SLC24A4: variants seen among roughly 807,000 people sequenced by gnomAD.
The protein encoded by SLC24A4 is solute carrier family 24 member 4.
In SLC24A4, 53 loss-of-function variants were observed where a neutral mutation model predicts 79.0. The observed-to-expected ratio is 0.67, with a 90% confidence interval of 0.54 to 0.84. SLC24A4 has a LOEUF of 0.84. SLC24A4 is among the 40% of genes least tolerant of loss of function. The pLI is 0.00. For missense variants in SLC24A4, 731 were observed against 822.0 expected (o/e 0.89, Z 1.35); for synonymous variants, 323 against 323.8 (o/e 1.00, Z 0.03).
intron 2 of SLC24A4, among the ~76,000 whole-genome samples, chr14:92,411,729 A>G (rs566447627): frequency 1.4e-4 from 21 of 152,134 alleles, no homozygotes; most frequent in Non-Finnish European, 2.5e-4. Context: ...CTTCCTTCCC[A>G]CACCAGCAAT....
At chr14:92,470,643 G>A (rs1017215197) in intron 12 of SLC24A4, among the ~76,000 whole-genome samples, 5 of 152,090 alleles carry the variant, frequency 3.3e-5, no homozygotes, top group African/African-American at 1.2e-4. Flanking sequence ...CGTGTCAATC[G>A]GAGTCCGTGA....
intron 8 of SLC24A4, 96 bp downstream of exon 8, chr14:92,445,438 T>C: frequency 7.6e-7 from 1 of 1,308,804 alleles, no homozygotes; most frequent in South Asian, 1.3e-5. Context: ...AAAATTATTT[T>C]TATAAACTTA....
intron 11 of SLC24A4, 66 bp from the exon 12 acceptor site, chr14:92,456,338 G>A (rs1478633097): frequency 2.6e-6 from 4 of 1,557,338 alleles, no homozygotes; most frequent in Non-Finnish European, 3.5e-6. Flanking sequence ...GAGGGACCCA[G>A]CGTATAGCAA....
Position 92,340,283 on chromosome 14 carries a change from G to A in SLC24A4, c.241+14305G>A, listed in dbSNP as rs145773577. On this transcript the variant is annotated intron_variant, in intron 2 of 16. Transcript: ENST00000532405. ...ATCCCAGTCCTCAGTGAGCCCACAG[G>A]TTAGAGAATGAGGTAAACTCGTAAT... is the stretch of plus-strand genomic sequence containing the variant. 3.0e-4 allele frequency among the ~76,000 whole-genome samples: 45 copies of A among 152,364 alleles called. No individual in the cohort carries two copies. In the East Asian group the frequency reaches 6.7e-3, roughly 23 times the overall value.
chr14:92,380,196 C>T (rs1019970010), intron 2 of SLC24A4, among the ~76,000 whole-genome samples: 5 of 152,192 alleles, frequency 3.3e-5, no homozygotes, highest in Non-Finnish European at 7.3e-5. Context: ...GAGAGCAGAT[C>T]CAAGGGCCAG....
In SLC24A4 at chr14:92,443,453, C is replaced by T. The variant is rs765944162; in HGVS notation, c.636C>T (p.Ile212=). 2 of 1,614,088 alleles carry T rather than the reference C, an allele frequency of 1.2e-6. No individual in the cohort carries two copies. The highest frequency in any genetic ancestry group is 1.7e-6 in the Non-Finnish European group (2 of 1,180,044). ...GCCGAGACTCCGTGTACTACACCAT[C>T]TCTGTCATCGTGCTCATCGTGGTGA... ...AVCRDSVYYT[I]SVIVLIVFIY... The change falls in exon 7 of 17, where the codon ATC becomes ATT. Residue 212 remains isoleucine, a synonymous_variant. Transcript: ENST00000532405.
chr14:92,446,906 G>A (rs767447962), intron 8 of SLC24A4, among the ~76,000 whole-genome samples: 11 of 152,146 alleles, frequency 7.2e-5, no homozygotes, highest in East Asian at 1.9e-4. Context: ...GCCACCTGCC[G>A]CATATTCAGT....
intron 2 of SLC24A4, among the ~76,000 whole-genome samples, chr14:92,428,703 A>G (rs1451631004): frequency 1.3e-5 from 2 of 152,228 alleles, no homozygotes; most frequent in Admixed American, 1.3e-4. Context: ...AGTCAAAGCC[A>G]GGGAATGGTC....
At position 92,341,244 on chromosome 14, in the gene SLC24A4, G is replaced by A. The variant is rs1408480153; in HGVS notation, c.241+15266G>A. On this transcript the variant is annotated intron_variant, in intron 2 of 16. Transcript: ENST00000532405. ...GAAATGCCCTCTGGTTGCTGAATAA[G>A]CTGTCCTCATGAAGGTTGCTGACCT... Among the ~76,000 whole-genome samples the A allele has an allele frequency of 3.9e-5, 6 of 152,196 alleles. No individual in the cohort carries two copies. In the East Asian group the frequency reaches 1.2e-3, roughly 29 times the overall value.
At chr14:92,421,626 G>A (rs1891287198) in intron 2 of SLC24A4, among the ~76,000 whole-genome samples, 1 of 151,976 alleles carries the variant, frequency 6.6e-6, no homozygotes, top group Admixed American at 6.6e-5. Flanking sequence ...TCATGCTTTA[G>A]CCTCCCAAGT....
intron 2 of SLC24A4, chr14:92,408,299 C>A: frequency 1.4e-6 from 1 of 699,692 alleles, no homozygotes; most frequent in Non-Finnish European, 1.8e-6. Context: ...TTTGTTGTGG[C>A]TAAATTGAGT....
chr14:92,417,552 G>A (rs1265051854), intron 2 of SLC24A4, among the ~76,000 whole-genome samples: 1 of 152,182 alleles, frequency 6.6e-6, no homozygotes, highest in Admixed American at 6.5e-5. Flanking sequence ...GTCCAGTATT[G>A]ATAGACTTTT....
chr14:92,444,156 A>G (rs1366288070), intron 7 of SLC24A4, among the ~76,000 whole-genome samples: 1 of 152,192 alleles, frequency 6.6e-6, no homozygotes, highest in African/African-American at 2.4e-5. Flanking sequence ...CGATGATTCT[A>G]CAGATAAAAC....
chr14:92,471,266 C>G (rs1894426996), intron 12 of SLC24A4, among the ~76,000 whole-genome samples: 1 of 152,146 alleles, frequency 6.6e-6, no homozygotes, highest in South Asian at 2.1e-4. Flanking sequence ...ACTCCCTACT[C>G]CTAGCAGGGA....
intron 2 of SLC24A4, among the ~76,000 whole-genome samples, chr14:92,349,047 A>G (rs1886712396): frequency 6.6e-6 from 1 of 152,154 alleles, no homozygotes; most frequent in East Asian, 1.9e-4. Context: ...CACAAACAAA[A>G]AGGGGAAAAT....
At position 92,445,305 on chromosome 14, in the gene SLC24A4, T is replaced by G. The variant is rs1395346993; in HGVS notation, c.658-12T>G. ...TCCCACCCACCTCAACTCTGTTTCTTTTGCCTTACAGTTCATATATGATGA... is the reference window on the plus strand; with the variant it reads ...TCCCACCCACCTCAACTCTGTTTCTGTTGCCTTACAGTTCATATATGATGA... On this transcript the variant is annotated splice_polypyrimidine_tract_variant and intron_variant, in intron 7 of 16. Coordinates refer to ENST00000532405, the MANE Select transcript of SLC24A4 (RefSeq NM_153646.4). 6.2e-7 allele frequency: 1 copy of G among 1,614,072 alleles called. No individual in the cohort carries two copies. Among genetic ancestry groups the G allele is most frequent in the Non-Finnish European group, 8.5e-7 (1 of 1,179,988 alleles).
chr14:92,471,743 C>T (rs1894451715), intron 12 of SLC24A4, among the ~76,000 whole-genome samples: 1 of 152,078 alleles, frequency 6.6e-6, no homozygotes. Context: ...AAGGAGTCAG[C>T]CCCTGTCTAA....
rs956526641 is a variant in SLC24A4 at position 92,406,146 on chromosome 14, A to G, written c.242-27766A>G. The stretch of plus-strand genomic sequence containing the variant: ...ATGTCCAAAACTCAGTAGGGCAGTC[A>G]TTAAATCTTAAAGCTCCAAAATAAT... On this transcript the variant is annotated intron_variant, in intron 2 of 16. Transcript: ENST00000532405. Among the ~76,000 whole-genome samples the G allele has an allele frequency of 6.6e-5, 10 of 152,380 alleles. No homozygotes were observed. The South Asian group carries it at 8.3e-4, about 13-fold the overall frequency.
chr14:92,492,131 C>G, intron 15 of SLC24A4, 44 bp from the exon 16 acceptor site: 3 of 1,584,928 alleles, frequency 1.9e-6, no homozygotes, highest in Non-Finnish European at 2.6e-6. Flanking sequence ...TGGATTGGCT[C>G]TGAGCAGTCA....
Sources: allele counts gnomAD v4.1 joint callset (sites outside exome capture counted in the v4.1 genomes callset), GRCh38; gene constraint gnomAD v4.1.1; transcripts MANE v1.5; gene names NCBI Gene and HGNC (gene_info 2026-07-23, HGNC 2026-07-21).